Variants in HNF4A observed in about 807,000 individuals in gnomAD.
The protein encoded by HNF4A is hepatocyte nuclear factor 4 alpha.
In HNF4A, 15 loss-of-function variants were observed where a neutral mutation model predicts 52.4. The observed-to-expected ratio is 0.29, with a 90% confidence interval of 0.19 to 0.44. The LOEUF (loss-of-function observed/expected upper bound fraction) is 0.44, where lower values mean the gene tolerates loss of function less well. HNF4A is among the 20% of genes least tolerant of loss of function. The pLI is 1.00. For synonymous variants in HNF4A, 280 were observed against 264.4 expected (o/e 1.06, Z -0.57); for missense variants, 479 against 647.2 (o/e 0.74, Z 2.82).
chr20:44,407,246 T>C, intron 2 of HNF4A, 135 bp from the exon 3 acceptor site: 1 of 733,034 alleles, frequency 1.4e-6, no homozygotes, highest in Non-Finnish European at 2.5e-6. Flanking sequence ...TCCTGGTGGG[T>C]TCAAGAGAGA....
rs564479854 is a variant in HNF4A at position 44,413,333 on chromosome 20, A to G, written c.386-361A>G. ...TGTTTTGCTTGCTTTACTCACTTTCATTTGGAAAGAAAGGGACCCTTTTGT... is the reference window on the plus strand; with the variant it reads ...TGTTTTGCTTGCTTTACTCACTTTCGTTTGGAAAGAAAGGGACCCTTTTGT... On this transcript the variant is annotated intron_variant, in intron 3 of 9. Coordinates refer to ENST00000316099, the MANE Select transcript of HNF4A (RefSeq NM_000457.6). Among the ~76,000 whole-genome samples, 3 of 152,140 alleles carry G rather than the reference A, an allele frequency of 2.0e-5. No individual in the cohort carries two copies. In the East Asian group the frequency reaches 5.8e-4, roughly 29 times the overall value.
intron 1 of HNF4A, among the ~76,000 whole-genome samples, chr20:44,373,301 C>T (rs2063052737): frequency 1.3e-5 from 2 of 152,118 alleles, no homozygotes; most frequent in Non-Finnish European, 2.9e-5. Context: ...AGACACACAC[C>T]ACCATGCCTG....
intron 1 of HNF4A, among the ~76,000 whole-genome samples, chr20:44,379,694 G>A (rs1400030802): frequency 1.3e-5 from 2 of 151,456 alleles, no homozygotes; most frequent in Non-Finnish European, 2.9e-5. Context: ...TGAGATTACA[G>A]GCATGTGCCA....
intron 1 of HNF4A, among the ~76,000 whole-genome samples, chr20:44,364,556 C>T (rs958360694): frequency 1.3e-4 from 19 of 151,964 alleles, no homozygotes; most frequent in African/African-American, 3.9e-4. Context: ...CTGCAACCTC[C>T]GCCTCCTGGG....
At chr20:44,360,158 A>T (rs2062901846) in intron 1 of HNF4A, among the ~76,000 whole-genome samples, 1 of 152,160 alleles carries the variant, frequency 6.6e-6, no homozygotes, top group African/African-American at 2.4e-5. Context: ...TTGATTGAAG[A>T]TTAATTAAGT....
intron 1 of HNF4A, among the ~76,000 whole-genome samples, chr20:44,380,710 G>A (rs752934525): frequency 1.8e-4 from 28 of 152,126 alleles, no homozygotes; most frequent in Non-Finnish European, 4.1e-4. Context: ...CTCCCATTCT[G>A]TAAGTTGCTT....
intron 5 of HNF4A, among the ~76,000 whole-genome samples, chr20:44,415,012 C>T (rs1165444453): frequency 6.6e-6 from 1 of 152,108 alleles, no homozygotes; most frequent in Non-Finnish European, 1.5e-5. Flanking sequence ...AGCTCCTGAC[C>T]ATTGTACCTG....
chr20:44,423,719 A>C (rs965485457), intron 7 of HNF4A, among the ~76,000 whole-genome samples: 1 of 152,236 alleles, frequency 6.6e-6, no homozygotes, highest in African/African-American at 2.4e-5. Context: ...CCCCGTGTGT[A>C]AGATGAGGCG....
At chr20:44,357,154 A>G (rs1221182773) in intron 1 of HNF4A, among the ~76,000 whole-genome samples, 2 of 152,124 alleles carry the variant, frequency 1.3e-5, no homozygotes, top group East Asian at 1.9e-4. Context: ...ACCCCCATCA[A>G]ACAGGAATAT....
At chr20:44,411,469 G>A (rs945846529) in intron 3 of HNF4A, among the ~76,000 whole-genome samples, 4 of 151,826 alleles carry the variant, frequency 2.6e-5, no homozygotes, top group Non-Finnish European at 4.4e-5. Context: ...TCCGCCCGCC[G>A]GCCACTCGGC....
At chr20:44,399,523 G>A (rs889819598), upstream of HNF4A, among the ~76,000 whole-genome samples, 1 of 152,052 alleles carries the variant, frequency 6.6e-6, no homozygotes, top group African/African-American at 2.4e-5. Flanking sequence ...AGCTAAGCAG[G>A]GCAGAGAAAG....
exon 1 of HNF4A, chr20:44,355,793 G>T: frequency 6.2e-7 from 1 of 1,613,536 alleles, no homozygotes; most frequent in Non-Finnish European, 8.5e-7. Flanking sequence ...CTCCGGCTGG[G>T]TGGGCTTGGC....
At chr20:44,374,235 G>C (rs1165026755) in intron 1 of HNF4A, among the ~76,000 whole-genome samples, 1 of 152,102 alleles carries the variant, frequency 6.6e-6, no homozygotes, top group East Asian at 1.9e-4. Flanking sequence ...TGCAGTATTT[G>C]TTTTTTTGTT....
rs147552575 is a variant in HNF4A at position 44,406,131 on chromosome 20, C to T, written c.189C>T (p.Cys63=). The change falls in exon 2 of 10, where the codon TGC becomes TGT. Residue 63 remains cysteine, a synonymous_variant. Transcript: ENST00000316099. Reference sequence around the variant, plus strand: ...GTGTCAGCGCCCTGTGTGCCATCTGCGGGGACCGGGCCACGGGCAAACACT... The same window carrying T: ...GTGTCAGCGCCCTGTGTGCCATCTGTGGGGACCGGGCCACGGGCAAACACT... 2.2e-5 allele frequency: 35 copies of T among 1,613,646 alleles called. No individual in the cohort carries two copies. Among genetic ancestry groups the T allele is most frequent in the East Asian group, 6.7e-5 (3 of 44,894 alleles).
chr20:44,387,481 G>A (rs944999178), intron 1 of HNF4A, among the ~76,000 whole-genome samples: 3 of 151,272 alleles, frequency 2.0e-5, no homozygotes, highest in Admixed American at 1.3e-4. Context: ...GCCTCACAGT[G>A]TTAAGTGGGA....
rs146960633 is a variant in HNF4A at position 44,374,744 on chromosome 20, G to A, written c.49+18891G>A. 8.1e-3 allele frequency among the ~76,000 whole-genome samples: 1,240 copies of A among 152,298 alleles called. 26 individuals carry two copies. Among genetic ancestry groups the A allele is most frequent in the African/African-American group, 0.029 (1,185 of 41,546 alleles). ...CTCCCAAAGTGCTAGGATTACAGGC[G>A]TGAGCCACTGTGCTTGGCTGATGTC... On this transcript the variant is annotated intron_variant, in intron 1 of 9. Transcript: ENST00000316673.
At chr20:44,361,370 A>G (rs1322020548) in intron 1 of HNF4A, among the ~76,000 whole-genome samples, 2 of 152,206 alleles carry the variant, frequency 1.3e-5, no homozygotes, top group Admixed American at 1.3e-4. Flanking sequence ...AAATATCCAG[A>G]GTGCATCTTG....
Position 44,419,867 on chromosome 20 carries a change from T to C in HNF4A, c.883T>C (p.Phe295Leu). Residue 295 changes from phenylalanine (F) to leucine (L), a missense_variant, in exon 7 of 10, where the codon TTT becomes CTT. By Grantham distance (22) the Phe-to-Leu change is conservative (BLOSUM62 0). This residue lies in a region of HNF4A where 389 missense variants were observed against 525.1 expected (regional missense o/e 0.74). Coordinates refer to ENST00000316099, the MANE Select transcript of HNF4A (RefSeq NM_000457.6). Reference sequence around the variant, plus strand: ...TGCCTACCTCAAAGCCATCATCTTCTTTGACCCAGGTACAGTGCACACCTC... The same window carrying C: ...TGCCTACCTCAAAGCCATCATCTTCCTTGACCCAGGTACAGTGCACACCTC... 1 of 1,614,148 alleles carries C rather than the reference T, an allele frequency of 6.2e-7. No homozygotes were observed. Among genetic ancestry groups the C allele is most frequent in the Non-Finnish European group, 8.5e-7 (1 of 1,180,022 alleles).
chr20:44,403,289 C>A (rs1417478459), intron 1 of HNF4A, among the ~76,000 whole-genome samples: 3 of 152,216 alleles, frequency 2.0e-5, no homozygotes, highest in East Asian at 3.8e-4. Flanking sequence ...ATCCTTCCAA[C>A]CTGTGTGAAT....
Sources: allele counts gnomAD v4.1 joint callset (sites outside exome capture counted in the v4.1 genomes callset), GRCh38; gene constraint gnomAD v4.1.1; regional missense constraint gnomAD v4.1.1; transcripts MANE v1.5; gene names NCBI Gene and HGNC (gene_info 2026-07-23, HGNC 2026-07-21).